Variants in TET3 observed in about 807,000 individuals in gnomAD.
TET3 encodes the protein tet methylcytosine dioxygenase 3.
Under a neutral mutation model 141.4 loss-of-function variants are expected in TET3, and 19 were observed. That is an observed-to-expected ratio of 0.13 (90% confidence interval 0.09 to 0.20). TET3 has a LOEUF of 0.20. Among genes scored for constraint, TET3 ranks in the 10% least tolerant of loss-of-function variants. The pLI, the probability that TET3 is intolerant of heterozygous loss-of-function variation, is 1.00. For synonymous variants in TET3, 1,043 were observed against 980.9 expected (o/e 1.06, Z -1.18); for missense variants, 1,874 against 2,356.9 (o/e 0.80, Z 4.24).
At chr2:74,125,611 G>C in the TET3 span, among the ~76,000 whole-genome samples, 1 of 138,260 alleles carries the variant, frequency 7.2e-6, no homozygotes. Flanking sequence ...ACCATCCTTT[G>C]TGAATAAGAA....
Position 74,001,073 on chromosome 2 carries a change from T to C in TET3, c.304-2037T>C, listed in dbSNP as rs116382360. ...GTTGAGGGGCACAGAAACCCATTGT[T>C]CCACCTGAGCTGTGCTTAGGACACT... On this transcript the variant is annotated intron_variant, in intron 2 of 11. Coordinates refer to ENST00000409262, the MANE Select transcript of TET3 (RefSeq NM_001287491.2). Among the ~76,000 whole-genome samples, 1,431 of 152,288 alleles carry C rather than the reference T, an allele frequency of 9.4e-3. 28 individuals are homozygous for C. The highest frequency in any genetic ancestry group is 0.033 in the African/African-American group (1,360 of 41,542).
At position 74,101,448 on chromosome 2, in the gene TET3, G is replaced by A. The variant is rs777110006; in HGVS notation, c.4660G>A (p.Asp1554Asn). ...CCTGAAAGGTAGTCCTGGGTTCCAA[G>A]ACAAGCTGTGGAACCCCATGAAAGG... Reference protein sequence around the residue: ...SALKGSPGFQDKLWNPMKGEE... With the variant: ...SALKGSPGFQNKLWNPMKGEE... The change falls in exon 12 of 12, where the codon GAC becomes AAC. Residue 1554 changes from aspartate to asparagine, a missense_variant. Physicochemically the swap from Asp to Asn is conservative, Grantham distance 23 (BLOSUM62 1). Transcript: ENST00000409262. This position sits in a 1 kb window ranked among gnomAD's most constrained non-coding sequence, Gnocchi z 8.5. 1.2e-6 allele frequency: 2 copies of A among 1,613,882 alleles called. No individual in the cohort carries two copies. Among genetic ancestry groups the A allele is most frequent in the East Asian group, 2.2e-5 (1 of 44,860 alleles).
Position 74,101,189 on chromosome 2 carries a change from C to G in TET3, c.4401C>G (p.Ile1467Met), listed in dbSNP as rs201514802. 1 of 1,613,706 alleles carries G rather than the reference C, an allele frequency of 6.2e-7. No individual in the cohort carries two copies. Among genetic ancestry groups the G allele is most frequent in the South Asian group, 1.1e-5 (1 of 91,036 alleles). Residue 1467 changes from isoleucine (I) to methionine (M), a missense_variant, in exon 12 of 12, where the codon ATC becomes ATG. Physicochemically the swap from Ile to Met is conservative, Grantham distance 10 (BLOSUM62 1). This residue lies in a region of TET3 where 602 missense variants were observed against 590.2 expected (regional missense o/e 1.02). Coordinates refer to ENST00000409262, the MANE Select transcript of TET3 (RefSeq NM_001287491.2). The surrounding 1 kb of genome is among the most constrained non-coding windows in gnomAD (Gnocchi z 8.5). ...GVFSSGESPAIVPDKLSSFGA... is the reference protein window; with the variant it reads ...GVFSSGESPAMVPDKLSSFGA... The stretch of plus-strand genomic sequence containing the variant: ...TCTCGTCTGGGGAGAGTCCTGCCAT[C>G]GTCCCTGACAAGCTCAGTTCCTTTG...
chr2:74,114,286 T>C, the TET3 span, among the ~76,000 whole-genome samples: 1 of 128,232 alleles, frequency 7.8e-6, no homozygotes, highest in Non-Finnish European at 1.6e-5. Context: ...AGTGATATAA[T>C]GGACCTTGGG....
chr2:74,001,786 C>T (rs776890409), intron 2 of TET3, among the ~76,000 whole-genome samples: 10 of 152,130 alleles, frequency 6.6e-5, no homozygotes, highest in African/African-American at 2.4e-4. Context: ...ACTGGAAGAC[C>T]GGAGCTCTTG....
At chr2:73,995,757 T>G (rs1436727435) in intron 2 of TET3, among the ~76,000 whole-genome samples, 3 of 152,200 alleles carry the variant, frequency 2.0e-5, no homozygotes, top group African/African-American at 7.2e-5. Context: ...GTGTGGTCCC[T>G]GAACCCTCAC....
the TET3 span, among the ~76,000 whole-genome samples, chr2:74,125,642 A>T: frequency 1.1e-3 from 166 of 152,186 alleles, no homozygotes; most frequent in Non-Finnish European, 2.1e-3. Context: ...GTGGAGGTAC[A>T]GAAGACTTCA....
rs1691499555 is a variant in TET3, at chr2:74,106,242, G to A, written c.*4066G>A. On this transcript the variant is annotated 3_prime_UTR_variant, in exon 12 of 12. Transcript: ENST00000409262. ...AGAAGGCAGCTATCTCCCTTTCTGT[G>A]ATCGGGAGTGGGCCTGCCTGGCTTG... The A allele has an allele frequency of 6.6e-6, 1 of 152,238 alleles. No homozygotes were observed. Among genetic ancestry groups the A allele is most frequent in the Admixed American group, 6.5e-5 (1 of 15,286 alleles). The allele number at this position is 152,238 out of a possible 1,614,324, so 9.4% of individuals were successfully genotyped here. A position where few individuals can be genotyped will look rare whatever the true frequency, so the allele number is the denominator to read the frequency against.
intron 3 of TET3, among the ~76,000 whole-genome samples, chr2:74,015,998 G>A (rs1025300869): frequency 6.6e-6 from 1 of 150,710 alleles, no homozygotes; most frequent in Non-Finnish European, 1.5e-5. Context: ...CTCTTAGATT[G>A]TCTTTTTATT....
intron 3 of TET3, among the ~76,000 whole-genome samples, chr2:74,003,574 G>A (rs888598650): frequency 2.9e-5 from 4 of 136,802 alleles, no homozygotes; most frequent in African/African-American, 1.1e-4. Flanking sequence ...GGGTGGGGGG[G>A]CGTAAGAGGG....
intron 2 of TET3, among the ~76,000 whole-genome samples, chr2:73,990,565 G>A (rs1168189769): frequency 6.6e-6 from 1 of 152,070 alleles, no homozygotes; most frequent in Non-Finnish European, 1.5e-5. Context: ...TATTAGAGTA[G>A]GAGAATGACC....
chr2:74,085,380 C>T (rs1444056766), intron 6 of TET3, among the ~76,000 whole-genome samples: 1 of 152,204 alleles, frequency 6.6e-6, no homozygotes, highest in East Asian at 1.9e-4. Context: ...TCCGGCCCAC[C>T]TTCCTCATTT....
At chr2:74,109,301 T>C (rs750457396), downstream of TET3, among the ~76,000 whole-genome samples, 1 of 152,078 alleles carries the variant, frequency 6.6e-6, no homozygotes, top group African/African-American at 2.4e-5. Flanking sequence ...TTAAAAGTTA[T>C]CTGAAATCCC....
intron 2 of TET3, chr2:73,998,547 TTGC>T (rs374158585): frequency 4.3e-4 from 65 of 152,788 alleles, no homozygotes; most frequent in African/African-American, 1.5e-3. Flanking sequence ...TCTTCTTCTG[TTGC>T]TGCTGCTGCT....
At chr2:74,018,636 T>C (rs550111611) in intron 3 of TET3, among the ~76,000 whole-genome samples, 26 of 152,354 alleles carry the variant, frequency 1.7e-4, no homozygotes, top group African/African-American at 6.0e-4. Context: ...CATGGGTGTT[T>C]TAAGGCCTCT....
At chr2:74,082,666 C>G (rs1043573697) in intron 6 of TET3, among the ~76,000 whole-genome samples, 3 of 152,108 alleles carry the variant, frequency 2.0e-5, no homozygotes, top group African/African-American at 7.2e-5. Context: ...CTGGCCATCT[C>G]CTTTAGTGTG....
Position 74,100,444 on chromosome 2 carries a change from A to G in TET3, c.3656A>G (p.Lys1219Arg), listed in dbSNP as rs749008019. ...CAGCAAGGCCTGAAGCCCTCCCTCAAGGTGGAGCCGCAGAACCACTTCAGC... is the reference window on the plus strand; with the variant it reads ...CAGCAAGGCCTGAAGCCCTCCCTCAGGGTGGAGCCGCAGAACCACTTCAGC... ...LSQQGLKPSL[K>R]VEPQNHFSSF... The change falls in exon 12 of 12, where the codon AAG (lysine) becomes AGG (arginine). Residue 1219 changes from lysine to arginine, a missense_variant. Physicochemically the swap from Lys to Arg is conservative, Grantham distance 26 (BLOSUM62 2). This residue lies in a region of TET3 where 602 missense variants were observed against 590.2 expected (regional missense o/e 1.02). Coordinates refer to ENST00000409262, the MANE Select transcript of TET3 (RefSeq NM_001287491.2). The G allele has an allele frequency of 1.5e-5, 24 of 1,579,870 alleles. No homozygotes were observed. Among genetic ancestry groups the G allele is most frequent in the Non-Finnish European group, 1.9e-5 (22 of 1,163,196 alleles).
At chr2:74,000,249 C>G (rs753116913) in intron 2 of TET3, among the ~76,000 whole-genome samples, 5 of 152,194 alleles carry the variant, frequency 3.3e-5, no homozygotes, top group Non-Finnish European at 7.3e-5. Flanking sequence ...CAGTGCCCAG[C>G]CCCCTGCCTC....
chr2:74,002,689 A>AGC, intron 2 of TET3: 2 of 420,688 alleles, frequency 4.8e-6, no homozygotes, highest in Middle Eastern at 6.1e-4. Flanking sequence ...CGGGGAGGGG[A>AGC]GCGCAGCCGG....
Sources: allele counts gnomAD v4.1 joint callset (sites outside exome capture counted in the v4.1 genomes callset), GRCh38; gene constraint gnomAD v4.1.1; regional missense constraint gnomAD v4.1.1; non-coding constraint Gnocchi (gnomAD v3.1); transcripts MANE v1.5; gene names NCBI Gene and HGNC (gene_info 2026-07-23, HGNC 2026-07-21).